The following RIN2 variants were observed in gnomAD, a reference collection of about 807,000 sequenced individuals.
RIN2 encodes Ras and Rab interactor 2.
In RIN2, 36 loss-of-function variants were observed where a neutral mutation model predicts 78.0. The observed-to-expected ratio is 0.46, with a 90% CI of 0.35 to 0.61. The LOEUF (loss-of-function observed/expected upper bound fraction) is 0.61, where lower values mean the gene tolerates loss of function less well. Ranked by LOEUF, RIN2 falls within the 20% of genes least tolerant of loss-of-function variation. The probability of loss-of-function intolerance (pLI) is 0.00; values close to 1 mark genes in which losing one functional copy is unlikely to be tolerated. For synonymous variants in RIN2, 466 were observed against 466.8 expected, an observed-to-expected ratio of 1.00 and a Z score of 0.02; for missense variants, 1,087 against 1,159.7, an observed-to-expected ratio of 0.94 and a Z score of 0.91.
intron 2 of RIN2, among the ~76,000 whole-genome samples, chr20:19,821,773 G>T (rs1171039676): frequency 6.6e-6 from 1 of 152,118 alleles, no homozygotes; most frequent in Non-Finnish European, 1.5e-5. Flanking sequence ...AGAAGAACTT[G>T]CACTTTCCGT....
chr20:19,984,400 G>A (rs2146360031), intron 9 of RIN2, among the ~76,000 whole-genome samples: 1 of 152,268 alleles, frequency 6.6e-6, no homozygotes, highest in African/African-American at 2.4e-5. Context: ...GTAGGCAACT[G>A]TAACACAATG....
chr20:19,986,385 C>T (rs938919017), intron 9 of RIN2, among the ~76,000 whole-genome samples: 3 of 152,210 alleles, frequency 2.0e-5, no homozygotes, highest in African/African-American at 4.8e-5. Context: ...GACCAGTTTC[C>T]TTATTTTTAA....
chr20:19,857,364 C>A (rs970476239), intron 2 of RIN2, among the ~76,000 whole-genome samples: 4 of 151,958 alleles, frequency 2.6e-5, no homozygotes, highest in Non-Finnish European at 5.9e-5. Flanking sequence ...ACAATGGATT[C>A]ATTGTATTAT....
At chr20:19,978,413 G>T (rs1239690106) in intron 9 of RIN2, among the ~76,000 whole-genome samples, 2 of 152,138 alleles carry the variant, frequency 1.3e-5, no homozygotes, top group Admixed American at 1.3e-4. Flanking sequence ...TCTTCAGAGG[G>T]TGGTTCTTCA....
chr20:19,797,756 A>C lies in RIN2; in HGVS notation c.-162-1866A>C, dbSNP rs527479110. On this transcript the variant is annotated intron_variant, in intron 1 of 12. Coordinates refer to ENST00000255006, the MANE Select transcript of RIN2 (RefSeq NM_018993.4). ...GGATTTAAATGATTCCTGAAAAATGATGATGATCACTAACATTGACGGTGG... is the reference window on the plus strand; with the variant it reads ...GGATTTAAATGATTCCTGAAAAATGCTGATGATCACTAACATTGACGGTGG... 7.2e-5 allele frequency among the ~76,000 whole-genome samples: 11 copies of C among 152,190 alleles called. No homozygotes were observed. The East Asian group carries it at 2.1e-3, about 29-fold the overall frequency.
chr20:19,861,844 A>G (rs1302055192), intron 2 of RIN2, among the ~76,000 whole-genome samples: 1 of 142,728 alleles, frequency 7.0e-6, no homozygotes, highest in African/African-American at 2.7e-5. Flanking sequence ...CTCCATATTC[A>G]ATGATCACCC....
chr20:19,909,998 C>T (rs2039392567), intron 3 of RIN2, among the ~76,000 whole-genome samples: 1 of 152,180 alleles, frequency 6.6e-6, no homozygotes, highest in Non-Finnish European at 1.5e-5. Context: ...TCCATCAACG[C>T]AGATTTTGAG....
At chr20:19,788,255 C>A (rs1489810160) in intron 1 of RIN2, among the ~76,000 whole-genome samples, 1 of 151,854 alleles carries the variant, frequency 6.6e-6, no homozygotes, top group Non-Finnish European at 1.5e-5. Flanking sequence ...GGTAGTCTTA[C>A]CAGGACACTA....
rs1042555989 is a variant in RIN2, at chr20:20,001,940, T to A, written c.*1004T>A. 6.6e-6 allele frequency: 1 copy of A among 152,666 alleles called. No individual in the cohort carries two copies. Among genetic ancestry groups the A allele is most frequent in the African/African-American group, 2.4e-5 (1 of 41,466 alleles). The allele number at this position is 152,666 out of a possible 1,614,324, so 9.5% of individuals were successfully genotyped here. On this transcript the variant is annotated 3_prime_UTR_variant, in exon 13 of 13. Coordinates refer to ENST00000255006, the MANE Select transcript of RIN2 (RefSeq NM_018993.4). Reference sequence around the variant, plus strand: ...AAAATCTATTCCATGTGTGATTTGCTTGTAGAAACAATTTTGAAAGCCCCT... The same window carrying A: ...AAAATCTATTCCATGTGTGATTTGCATGTAGAAACAATTTTGAAAGCCCCT...
chr20:19,796,565 G>A (rs900903294), intron 1 of RIN2, among the ~76,000 whole-genome samples: 5 of 152,208 alleles, frequency 3.3e-5, no homozygotes, highest in African/African-American at 1.2e-4. Context: ...GGATCATGAT[G>A]TGAAATATAT....
chr20:19,874,086 T>TGTG (rs55827998), intron 2 of RIN2, among the ~76,000 whole-genome samples: 14,853 of 145,394 alleles, frequency 0.1, 860 homozygotes, highest in East Asian at 0.25. Flanking sequence ...GTGTGTGTGT[T>TGTG]TGTGTGTGTT....
chr20:19,821,206 C>G (rs932484718), intron 2 of RIN2, among the ~76,000 whole-genome samples: 15 of 152,216 alleles, frequency 9.9e-5, no homozygotes, highest in Non-Finnish European at 2.2e-4. Flanking sequence ...GGGAGACCTA[C>G]AGGCTCCTCA....
rs183875114 is a variant in RIN2, at chr20:19,912,338, T to A, written c.57+22680T>A. On this transcript the variant is annotated intron_variant, in intron 3 of 12. Coordinates refer to ENST00000255006, the MANE Select transcript of RIN2 (RefSeq NM_018993.4). ...ACCTGATTTGGTCTCCTGCTGCAGG[T>A]CCATGCTTTTTACCAGGCCAGACCC... 1.9e-4 allele frequency among the ~76,000 whole-genome samples: 29 copies of A among 152,266 alleles called. No individual in the cohort carries two copies. The East Asian group carries it at 5.2e-3, about 27-fold the overall frequency.
At chr20:19,781,095 CATATAGTTTACAAGGCT>C (rs1345794696) in intron 1 of RIN2, among the ~76,000 whole-genome samples, 1 of 152,118 alleles carries the variant, frequency 6.6e-6, no homozygotes, top group Non-Finnish European at 1.5e-5. Flanking sequence ...TCATCTGGAA[CATATAGTTTACAAGGCT>C]ATTGCAGAAA....
intron 2 of RIN2, among the ~76,000 whole-genome samples, chr20:19,885,459 A>G (rs2123462091): frequency 6.6e-6 from 1 of 152,276 alleles, no homozygotes; most frequent in South Asian, 2.1e-4. Flanking sequence ...TGAGGTCAGG[A>G]GTTCAAGACC....
intron 1 of RIN2, among the ~76,000 whole-genome samples, chr20:19,778,341 A>G (rs565233245): frequency 2.6e-5 from 4 of 152,238 alleles, no homozygotes; most frequent in Non-Finnish European, 4.4e-5. Flanking sequence ...TAGAAATGTC[A>G]AAGTATGTGC....
chr20:19,998,226 C>A (rs1389599006), intron 12 of RIN2, among the ~76,000 whole-genome samples: 2 of 152,098 alleles, frequency 1.3e-5, no homozygotes, highest in African/African-American at 4.8e-5. Context: ...AACTGATCCA[C>A]CCGCCTCAGC....
chr20:19,899,977 C>G (rs2038907287), intron 3 of RIN2, among the ~76,000 whole-genome samples: 1 of 152,140 alleles, frequency 6.6e-6, no homozygotes, highest in Admixed American at 6.5e-5. Flanking sequence ...CAGGGCCAAA[C>G]AGAAATAAAA....
At chr20:19,987,217 G>A (rs1037747890) in intron 9 of RIN2, among the ~76,000 whole-genome samples, 1 of 152,084 alleles carries the variant, frequency 6.6e-6, no homozygotes, top group Non-Finnish European at 1.5e-5. Context: ...TGTCCAAATG[G>A]GCCTTTGGGT....
Sources: gnomAD v4.1 joint callset for allele counts (sites outside exome capture counted in the v4.1 genomes callset) on GRCh38, gnomAD v4.1.1 for gene constraint, MANE v1.5 for transcripts, NCBI Gene and HGNC (gene_info 2026-07-23, HGNC 2026-07-21) for gene names.